Variants in MDM2 observed in about 807,000 individuals in gnomAD.
MDM2 encodes MDM2 proto-oncogene.
In MDM2, 11 loss-of-function variants were observed where a neutral mutation model predicts 64.3. The ratio of observed to expected loss-of-function variants is 0.17; its 90% CI spans 0.11 to 0.28. MDM2 has a LOEUF of 0.28. Among genes scored for constraint, MDM2 ranks in the 10% least tolerant of loss-of-function variants. MDM2 has a pLI of 1.00. For missense variants in MDM2, 388 were observed against 577.1 expected (o/e 0.67, Z 3.36); for synonymous variants, 194 against 192.9 (o/e 1.01, Z -0.05).
chr12:68,827,160 A>G (rs1186397128), intron 7 of MDM2, among the ~76,000 whole-genome samples: 1 of 152,198 alleles, frequency 6.6e-6, no homozygotes, highest in East Asian at 1.9e-4. Context: ...CCTGGGGGAC[A>G]AGAGTGAGAC....
intron 7 of MDM2, among the ~76,000 whole-genome samples, chr12:68,826,464 C>T (rs988861533): frequency 6.6e-6 from 1 of 151,868 alleles, no homozygotes; most frequent in Non-Finnish European, 1.5e-5. Flanking sequence ...ACCTGGCCAA[C>T]ATGGTGAAAC....
rs1319050965 is a variant in MDM2, at chr12:68,808,876, T to G, written c.15-332T>G. ...AACGCTGCGCGTAGTCTGGGCGGGATTGGGCCGGTTCAGTGGGCAGGTTGA... is the reference window on the plus strand; with the variant it reads ...AACGCTGCGCGTAGTCTGGGCGGGAGTGGGCCGGTTCAGTGGGCAGGTTGA... On this transcript the variant is annotated intron_variant, in intron 1 of 10. Coordinates refer to ENST00000258149, the MANE Select transcript of MDM2 (RefSeq NM_002392.6). 3.7e-6 allele frequency: 5 copies of G among 1,353,124 alleles called. No individual in the cohort carries two copies. In the Admixed American group the frequency reaches 1.7e-4, roughly 47 times the overall value. The allele number at this position is 1,353,124 out of a possible 1,614,324, so 83.8% of individuals were successfully genotyped here.
At chr12:68,819,736 C>T (rs953303947) in intron 4 of MDM2, among the ~76,000 whole-genome samples, 21 of 152,300 alleles carry the variant, frequency 1.4e-4, no homozygotes, top group East Asian at 5.8e-4. Flanking sequence ...GGTGATCTGC[C>T]GGACTCGGCC....
At chr12:68,815,893 C>G (rs1333912045) in intron 3 of MDM2, among the ~76,000 whole-genome samples, 1 of 152,048 alleles carries the variant, frequency 6.6e-6, no homozygotes, top group Non-Finnish European at 1.5e-5. Flanking sequence ...AAATGTATTG[C>G]CAACTTCTTG....
At chr12:68,816,727 A>G in intron 3 of MDM2, 85 bp from the exon 4 acceptor site, 1 of 1,188,110 alleles carries the variant, frequency 8.4e-7, no homozygotes, top group Admixed American at 2.9e-5. Context: ...GTTTACCCCT[A>G]TTCAGATAAA....
downstream of MDM2, chr12:68,850,122 T>C (rs901961014): frequency 2.0e-5 from 3 of 151,892 alleles, no homozygotes; most frequent in African/African-American, 7.3e-5. Context: ...CTGTCTTAAC[T>C]AAAAATACAA....
At chr12:68,823,130 A>T (rs565746946) in intron 5 of MDM2, among the ~76,000 whole-genome samples, 7 of 152,226 alleles carry the variant, frequency 4.6e-5, no homozygotes, top group African/African-American at 1.7e-4. Flanking sequence ...ATTATGTACA[A>T]CTTAAGAAAA....
chr12:68,828,167 A>G (rs1882490991), intron 7 of MDM2: 3 of 152,308 alleles, frequency 2.0e-5, no homozygotes, highest in Middle Eastern at 3.4e-3. Flanking sequence ...AAATTGAAAC[A>G]TTAAGAATAC....
intron 10 of MDM2, among the ~76,000 whole-genome samples, chr12:68,836,955 C>CTT (rs35125243): frequency 1.5e-3 from 207 of 136,704 alleles, no homozygotes; most frequent in East Asian, 6.3e-3. Context: ...GGAATTTGAA[C>CTT]TTTTTTTTTT....
In MDM2 at chr12:68,842,365, C is replaced by T. The variant is rs190072365; in HGVS notation, c.*2516C>T. The T allele has an allele frequency of 1.8e-5, 9 of 494,552 alleles. No homozygotes were observed. The highest frequency in any genetic ancestry group is 2.4e-5 in the Non-Finnish European group (6 of 249,904). The allele number at this position is 494,552 out of a possible 1,614,324, so 30.6% of individuals were successfully genotyped here. A position where few individuals can be genotyped will look rare whatever the true frequency, so the allele number is the denominator to read the frequency against. Reference sequence around the variant, plus strand: ...AGATGATATAACAGTTAACAGGATGCAGACATGGCAGAGGTTTCCTAAAAA... The same window carrying T: ...AGATGATATAACAGTTAACAGGATGTAGACATGGCAGAGGTTTCCTAAAAA... On this transcript the variant is annotated 3_prime_UTR_variant, in exon 11 of 11. Coordinates refer to ENST00000258149, the MANE Select transcript of MDM2 (RefSeq NM_002392.6).
downstream of MDM2, chr12:68,849,311 A>C (rs1398061184): frequency 1.3e-5 from 2 of 150,758 alleles, no homozygotes; most frequent in African/African-American, 4.9e-5. Flanking sequence ...GCTGGTCTCG[A>C]ACTCCTGACC....
At chr12:68,823,438 A>C (rs1882038111) in intron 5 of MDM2, among the ~76,000 whole-genome samples, 1 of 151,942 alleles carries the variant, frequency 6.6e-6, no homozygotes, top group South Asian at 2.1e-4. Flanking sequence ...GAATGGTACC[A>C]CTCATTTATT....
intron 10 of MDM2, among the ~76,000 whole-genome samples, chr12:68,837,056 T>C (rs1254106127): frequency 6.6e-6 from 1 of 151,396 alleles, no homozygotes; most frequent in Admixed American, 6.6e-5. Flanking sequence ...CAGGTTCAAG[T>C]GATTCTCGTG....
At position 68,809,310 on chromosome 12, in the gene MDM2, G is replaced by T; in HGVS notation, c.99+18G>T. The T allele has an allele frequency of 6.2e-7, 1 of 1,604,658 alleles. No homozygotes were observed. On this transcript the variant is annotated intron_variant, in intron 2 of 10. Coordinates refer to ENST00000258149, the MANE Select transcript of MDM2 (RefSeq NM_002392.6). ...AGACCCTGGTTAGTATTTTTGTCTC[G>T]TGTAACTTTTAAGAATAATTTATTT...
intron 5 of MDM2, chr12:68,824,144 G>T: frequency 2.0e-6 from 1 of 503,188 alleles, no homozygotes; most frequent in Non-Finnish European, 3.5e-6. Flanking sequence ...GTCTTTTAAT[G>T]TCTTGATTAT....
intron 8 of MDM2, 53 bp downstream of exon 8, chr12:68,828,984 C>G: frequency 6.5e-7 from 1 of 1,548,348 alleles, no homozygotes; most frequent in South Asian, 1.1e-5. Context: ...AAGTCTAGTC[C>G]TGGCAGTCCT....
intron 5 of MDM2, among the ~76,000 whole-genome samples, chr12:68,823,933 C>T (rs1882084355): frequency 6.6e-6 from 1 of 152,158 alleles, no homozygotes; most frequent in South Asian, 2.1e-4. Context: ...TAATGAACTG[C>T]TTGTGGTGTC....
At chr12:68,824,307 C>T (rs1050638399) in intron 5 of MDM2, 56 bp from the exon 6 acceptor site, 22 of 1,216,236 alleles carry the variant, frequency 1.8e-5, no homozygotes, top group Middle Eastern at 2.3e-4. Flanking sequence ...TACTGAGTAG[C>T]GCCCCGCCGC....
chr12:68,818,507 A>G (rs1881575117), intron 4 of MDM2, among the ~76,000 whole-genome samples: 1 of 149,026 alleles, frequency 6.7e-6, no homozygotes, highest in Non-Finnish European at 1.5e-5. Flanking sequence ...CTATATTTAA[A>G]TTTCATCTAG....
Sources: gnomAD v4.1 joint callset for allele counts (sites outside exome capture counted in the v4.1 genomes callset) on GRCh38, gnomAD v4.1.1 for gene constraint, MANE v1.5 for transcripts, NCBI Gene and HGNC (gene_info 2026-07-23, HGNC 2026-07-21) for gene names.